Variants in EXD1 observed in about 807,000 individuals in gnomAD.
EXD1 encodes the protein exonuclease 3'-5' domain containing 1, also known as piRNA biogenesis protein EXD1.
EXD1 carries 63 observed loss-of-function variants against 49.1 expected under a neutral mutation model. The observed-to-expected ratio is 1.28, with a 90% CI of 1.05 to 1.58. EXD1 has a LOEUF of 1.58. Ranked by LOEUF, EXD1 falls within the 40% of genes most tolerant of loss-of-function variation. The probability of loss-of-function intolerance (pLI) is 0.00; values close to 1 mark genes in which losing one functional copy is unlikely to be tolerated. For missense variants in EXD1, 748 were observed against 666.0 expected, an observed-to-expected ratio of 1.12 and a Z score of -1.36; for synonymous variants, 234 against 239.2, an observed-to-expected ratio of 0.98 and a Z score of 0.20.
At chr15:41,220,411 C>T (rs965343483) in intron 2 of EXD1, among the ~76,000 whole-genome samples, 1 of 152,106 alleles carries the variant, frequency 6.6e-6, no homozygotes, top group African/African-American at 2.4e-5. Context: ...GCTCGGACTA[C>T]AGGCACGAGC....
Position 41,195,954 on chromosome 15 carries a change from T to C in EXD1, c.618A>G (p.Leu206=). The C allele has an allele frequency of 1.2e-6, 2 of 1,612,012 alleles. No individual in the cohort carries two copies. Among genetic ancestry groups the C allele is most frequent in the Non-Finnish European group, 1.7e-6 (2 of 1,179,420 alleles). The change falls in exon 8 of 12, where the codon CTA becomes CTG. Residue 206 remains leucine, a synonymous_variant. Transcript: ENST00000458580. ...RAFHNGLQMI[L]EDKRILKVIH... ...TTACCTTCAAAATTCTCTTGTCTTC[T>C]AGTATCATCTGAAGTCCATTGTGGA...
chr15:41,197,062 C>G (rs1035592611), intron 7 of EXD1, among the ~76,000 whole-genome samples: 2 of 151,838 alleles, frequency 1.3e-5, no homozygotes, highest in African/African-American at 4.8e-5. Context: ...TAGGCTAAAG[C>G]AATCTGCCTG....
chr15:41,217,534 T>G (rs2140896184), intron 3 of EXD1, among the ~76,000 whole-genome samples: 1 of 148,916 alleles, frequency 6.7e-6, no homozygotes, highest in South Asian at 2.1e-4. Flanking sequence ...TTTTCCTTTT[T>G]TTTTTTTTTT....
rs1271791721 is a variant in EXD1 at position 41,184,165 on chromosome 15, A to C, written c.1485T>G (p.Phe495Leu). The C allele has an allele frequency of 1.9e-6, 3 of 1,614,094 alleles. No individual in the cohort carries two copies. The highest frequency in any genetic ancestry group is 2.5e-6 in the Non-Finnish European group (3 of 1,180,046). The change falls in exon 12 of 12, where the codon TTT (phenylalanine) becomes TTG (leucine). Residue 495 changes from phenylalanine (F) to leucine (L), a missense_variant. Coordinates refer to ENST00000458580, the MANE Select transcript of EXD1 (RefSeq NM_001286441.2). The stretch of plus-strand genomic sequence containing the variant: ...CCTCTTTCAAAGATAAACTTGCCTG[A>C]AACTCATGTTTGGGTGTCATAAAGT... ...KEHFMTPKHE[F>L]QASLSLKEET...
At chr15:41,198,171 G>GT (rs747824515) in intron 7 of EXD1, among the ~76,000 whole-genome samples, 2 of 152,152 alleles carry the variant, frequency 1.3e-5, no homozygotes, top group Non-Finnish European at 2.9e-5. Context: ...TGATAAGAGT[G>GT]TTTTTTGTGT....
intron 6 of EXD1, among the ~76,000 whole-genome samples, chr15:41,211,609 G>T (rs940550533): frequency 5.3e-5 from 8 of 151,868 alleles, no homozygotes; most frequent in Admixed American, 3.3e-4. Context: ...GATTGCTTGA[G>T]CCCAGGAGTT....
At chr15:41,198,002 G>A (rs182519892) in intron 7 of EXD1, among the ~76,000 whole-genome samples, 1 of 151,918 alleles carries the variant, frequency 6.6e-6, no homozygotes, top group Non-Finnish European at 1.5e-5. Context: ...CCAGCCTGGA[G>A]GACAAGAGTG....
intron 7 of EXD1, among the ~76,000 whole-genome samples, chr15:41,199,732 T>TATATATCAC (rs1159105027): frequency 6.3e-5 from 5 of 78,842 alleles, no homozygotes; most frequent in South Asian, 3.9e-4. Context: ...TTATATATGA[T>TATATATCAC]ATATATGTCA....
Position 41,230,685 on chromosome 15 carries a change from G to T in EXD1, c.-260C>A. The T allele has an allele frequency of 2.2e-6, 2 of 893,728 alleles. No individual in the cohort carries two copies. Among genetic ancestry groups the T allele is most frequent in the Non-Finnish European group, 3.4e-6 (2 of 592,480 alleles). The allele number at this position is 893,728 out of a possible 1,614,324, so 55.4% of individuals were successfully genotyped here. On this transcript the variant is annotated 5_prime_UTR_variant, in exon 1 of 12. Transcript: ENST00000458580. ...TATCAAATCACAGGCTGAAAACCTG[G>T]AGAAAGGTCCGCGACGCCGGGGACA...
chr15:41,184,657 A>ATT (rs2046378871), intron 11 of EXD1, 64 bp from the exon 12 acceptor site: 2 of 1,104,830 alleles, frequency 1.8e-6, no homozygotes, highest in East Asian at 3.2e-5. Flanking sequence ...ACTTAAAATC[A>ATT]CTTTTTTTTT....
chr15:41,227,279 T>C (rs1455221761), intron 1 of EXD1, among the ~76,000 whole-genome samples: 1 of 152,258 alleles, frequency 6.6e-6, no homozygotes, highest in Non-Finnish European at 1.5e-5. Flanking sequence ...TATGCTATCC[T>C]ATTAATTTTT....
At position 41,219,825 on chromosome 15, in the gene EXD1, C is replaced by G; in HGVS notation, c.202+5G>C. The G allele has an allele frequency of 1.3e-6, 2 of 1,534,626 alleles. No individual in the cohort carries two copies. The highest frequency in any genetic ancestry group is 1.7e-6 in the Non-Finnish European group (2 of 1,145,810). On this transcript the variant is annotated splice_donor_5th_base_variant and intron_variant, in intron 3 of 11. Coordinates refer to ENST00000458580, the MANE Select transcript of EXD1 (RefSeq NM_001286441.2). ...TAGCATTTTCAAGGAACATGGGGGTCTCACCATTCACAATCTCATGCCCAA... is the reference window on the plus strand; with the variant it reads ...TAGCATTTTCAAGGAACATGGGGGTGTCACCATTCACAATCTCATGCCCAA...
In EXD1 at chr15:41,230,563, A is replaced by G. The variant is rs897470614; in HGVS notation, c.-138T>C. On this transcript the variant is annotated 5_prime_UTR_variant, in exon 1 of 12. Transcript: ENST00000458580. ...GGAAATCTGGATCCTAATTTCAGCC[A>G]AGTGGTGCGTTCCTCGAACTTCAGT... The G allele has an allele frequency of 3.7e-6, 6 of 1,613,798 alleles. No homozygotes were observed. Among genetic ancestry groups the G allele is most frequent in the Admixed American group, 3.3e-5 (2 of 59,968 alleles).
At chr15:41,199,719 ATATTATATATGATATATATGT>A (rs2046681552) in intron 7 of EXD1, among the ~76,000 whole-genome samples, 1 of 56,632 alleles carries the variant, frequency 1.8e-5, no homozygotes, top group African/African-American at 6.3e-5. Flanking sequence ...TATATATGAT[ATATTATATATGATATATATGT>A]CATATATTAT....
chr15:41,229,521 C>A (rs1273928690), intron 1 of EXD1, among the ~76,000 whole-genome samples: 1 of 152,140 alleles, frequency 6.6e-6, no homozygotes, highest in Non-Finnish European at 1.5e-5. Context: ...GTAATCACAG[C>A]ACTTTGGGAG....
intron 11 of EXD1, among the ~76,000 whole-genome samples, chr15:41,188,195 C>G (rs557568726): frequency 1.5e-4 from 23 of 151,646 alleles, no homozygotes; most frequent in African/African-American, 5.6e-4. Context: ...TTTAACAATA[C>G]TTTAAAAATG....
At chr15:41,227,538 G>A (rs140683810) in intron 1 of EXD1, among the ~76,000 whole-genome samples, 437 of 151,714 alleles carry the variant, frequency 2.9e-3, no homozygotes, top group Non-Finnish European at 4.8e-3. Context: ...GTGTGGTGGC[G>A]TATGCCTGTA....
At position 41,199,748 on chromosome 15, in the gene EXD1, T is replaced by A. The variant is rs375971408; in HGVS notation, c.535-3711A>T. 3.3e-3 allele frequency among the ~76,000 whole-genome samples: 36 copies of A among 10,844 alleles called. 8 individuals carry two copies. The highest frequency in any genetic ancestry group is 0.05 in the East Asian group (2 of 40). The allele number at this position is 10,844 out of a possible 152,430, so 7.1% of individuals were successfully genotyped here. A position where few individuals can be genotyped will look rare whatever the true frequency, so the allele number is the denominator to read the frequency against. The stretch of plus-strand genomic sequence containing the variant: ...TATATATGATATATATGTCATATAT[T>A]ATATATGATACATATATGATATATA... On this transcript the variant is annotated intron_variant, in intron 7 of 11. Coordinates refer to ENST00000458580, the MANE Select transcript of EXD1 (RefSeq NM_001286441.2).
At chr15:41,193,651 G>A (rs1430513028) in intron 9 of EXD1, among the ~76,000 whole-genome samples, 2 of 151,952 alleles carry the variant, frequency 1.3e-5, no homozygotes, top group Non-Finnish European at 2.9e-5. Context: ...GAAGTGGAAG[G>A]ATGGCTTGAG....
Sources: gnomAD v4.1 joint callset for allele counts (sites outside exome capture counted in the v4.1 genomes callset) on GRCh38, gnomAD v4.1.1 for gene constraint, MANE v1.5 for transcripts, NCBI Gene and HGNC (gene_info 2026-07-23, HGNC 2026-07-21) for gene names.